Variants in IFITM10 observed in about 807,000 individuals in gnomAD.
IFITM10 encodes interferon induced transmembrane protein 10, also known as interferon-induced transmembrane protein 10.
A neutral mutation model predicts 19.0 loss-of-function variants in IFITM10; 17 were observed. That is an observed-to-expected ratio of 0.90 (90% CI 0.61 to 1.34). The LOEUF (loss-of-function observed/expected upper bound fraction) is 1.34. IFITM10 is among the 40% of genes most tolerant of loss of function. IFITM10 has a pLI of 0.00. For missense variants in IFITM10, 306 were observed against 319.8 expected (o/e 0.96, Z 0.33); for synonymous variants, 148 against 147.2 (o/e 1.01, Z -0.04).
At chr11:1,739,983 A>T (rs1221599576) in intron 2 of IFITM10, among the ~76,000 whole-genome samples, 4 of 152,136 alleles carry the variant, frequency 2.6e-5, no homozygotes, top group African/African-American at 4.8e-5. Flanking sequence ...TATGTGAACG[A>T]GGCAGTGCTG....
rs571354166 is a variant in IFITM10 at position 1,743,540 on chromosome 11, TGGAG to T, written c.537+4123_537+4126del. On this transcript the variant is annotated intron_variant, in intron 2 of 2. Transcript: ENST00000340134. ...GGAAGATGGATGAATGATAGATGGATGGAGGATGGGAAAGATAAATGTGTGATGC... is the reference window on the plus strand; with the variant it reads ...GGAAGATGGATGAATGATAGATGGATGATGGGAAAGATAAATGTGTGATGC... Among the ~76,000 whole-genome samples the T allele has an allele frequency of 4.3e-3, 650 of 152,230 alleles. 13 individuals are homozygous for T. Among genetic ancestry groups the T allele is most frequent in the Non-Finnish European group, 9.7e-4 (66 of 68,018 alleles).
At chr11:1,749,361 C>T (rs890553211) in intron 1 of IFITM10, among the ~76,000 whole-genome samples, 1 of 151,952 alleles carries the variant, frequency 6.6e-6, no homozygotes, top group Admixed American at 6.5e-5. Flanking sequence ...ACCCCTACAG[C>T]CCCCGACCAG....
Position 1,748,138 on chromosome 11 carries a change from G to C in IFITM10, c.85-19C>G. The C allele has an allele frequency of 7.5e-7, 1 of 1,341,902 alleles. No individual in the cohort carries two copies. Among genetic ancestry groups the C allele is most frequent in the Non-Finnish European group, 9.5e-7 (1 of 1,052,870 alleles). The allele number at this position is 1,341,902 out of a possible 1,614,324, so 83.1% of individuals were successfully genotyped here. A position where few individuals can be genotyped will look rare whatever the true frequency, so the allele number is the denominator to read the frequency against. Reference sequence around the variant, plus strand: ...CCTGGGCCTGGAGAGGAGAAAGTGAGAGCAAGCTGGGCCCGGCCTACCGGC... The same window carrying C: ...CCTGGGCCTGGAGAGGAGAAAGTGACAGCAAGCTGGGCCCGGCCTACCGGC... On this transcript the variant is annotated intron_variant, in intron 1 of 2. Transcript: ENST00000340134.
intron 2 of IFITM10, chr11:1,745,923 C>T (rs949730318): frequency 7.4e-5 from 11 of 149,118 alleles, no homozygotes; most frequent in African/African-American, 2.7e-4. Flanking sequence ...CACAGGCACA[C>T]CCCACACACA....
At chr11:1,746,279 C>T (rs1332835138) in intron 2 of IFITM10, 2 of 307,218 alleles carry the variant, frequency 6.5e-6, no homozygotes, top group Non-Finnish European at 1.2e-5. Flanking sequence ...TACACACATG[C>T]ACACATATGC....
chr11:1,747,577 G>T, intron 2 of IFITM10, 90 bp downstream of exon 2: 1 of 1,167,562 alleles, frequency 8.6e-7, no homozygotes, highest in Non-Finnish European at 1.2e-6. Flanking sequence ...CCCCTGAGAG[G>T]GAGAGGGGCC....
chr11:1,747,674 G>C lies in IFITM10; in HGVS notation c.530C>G (p.Ser177Cys), dbSNP rs1845666542. 6.4e-7 allele frequency: 1 copy of C among 1,551,708 alleles called. No individual in the cohort carries two copies. Among genetic ancestry groups the C allele is most frequent in the Non-Finnish European group, 8.7e-7 (1 of 1,146,942 alleles). The change falls in exon 2 of 3, where the codon TCC (serine) becomes TGC (cysteine). Residue 177 changes from serine (S) to cysteine (C), a missense_variant. Physicochemically the swap from Ser to Cys is moderately radical, Grantham distance 112. Coordinates refer to ENST00000340134, the MANE Select transcript of IFITM10 (RefSeq NM_001170820.4). ...GCCACCGCCCGGGCTCACTTTGAGGGAGTAGGCCAAGGCGATGAAGCCCAG... is the reference window on the plus strand; with the variant it reads ...GCCACCGCCCGGGCTCACTTTGAGGCAGTAGGCCAAGGCGATGAAGCCCAG... ...CCLGFIALAY[S>C]LKVRDKKLLN...
In IFITM10 at chr11:1,742,990, T is replaced by TATGG. The variant is rs56066215; in HGVS notation, c.537+4673_537+4676dup. 7.6e-5 allele frequency among the ~76,000 whole-genome samples: 10 copies of TATGG among 131,298 alleles called. 1 individual carries two copies. Among genetic ancestry groups the TATGG allele is most frequent in the Non-Finnish European group, 6.6e-5 (4 of 61,004 alleles). The allele number at this position is 131,298 out of a possible 152,430, so 86.1% of individuals were successfully genotyped here. A position where few individuals can be genotyped will look rare whatever the true frequency, so the allele number is the denominator to read the frequency against. On this transcript the variant is annotated intron_variant, in intron 2 of 2. Coordinates refer to ENST00000340134, the MANE Select transcript of IFITM10 (RefSeq NM_001170820.4). ...TGGAGGATGGATGGATGGATGGACA[T>TATGG]ATGGATGGATGAAAGATAAATGGAT...
chr11:1,743,620 G>A (rs561157689), intron 2 of IFITM10, among the ~76,000 whole-genome samples: 1 of 152,176 alleles, frequency 6.6e-6, no homozygotes, highest in South Asian at 2.1e-4. Flanking sequence ...AAAACCCAAC[G>A]CAGAACCCAC....
intron 2 of IFITM10, among the ~76,000 whole-genome samples, chr11:1,736,175 T>A (rs1851084918): frequency 6.6e-6 from 1 of 151,950 alleles, no homozygotes; most frequent in Admixed American, 6.6e-5. Context: ...GGAAGGAGAA[T>A]GGAAAGAGAG....
intron 2 of IFITM10, among the ~76,000 whole-genome samples, chr11:1,735,655 C>G (rs1345971683): frequency 1.3e-5 from 2 of 152,164 alleles, no homozygotes; most frequent in African/African-American, 2.4e-5. Context: ...AACCTCTCAG[C>G]CCTCAACTGG....
chr11:1,743,682 T>A (rs1402167839), intron 2 of IFITM10, among the ~76,000 whole-genome samples: 1 of 152,110 alleles, frequency 6.6e-6, no homozygotes, highest in African/African-American at 2.4e-5. Flanking sequence ...TCTCACAGCC[T>A]CCTGGGCTCA....
chr11:1,745,573 G>A (rs912109109), intron 2 of IFITM10: 3 of 152,174 alleles, frequency 2.0e-5, no homozygotes, highest in Non-Finnish European at 2.9e-5. Flanking sequence ...GCACACTCAC[G>A]TATGATTACA....
Position 1,739,367 on chromosome 11 carries a change from A to G in IFITM10, c.538-3938T>C, listed in dbSNP as rs1229465024. On this transcript the variant is annotated intron_variant, in intron 2 of 2. Coordinates refer to ENST00000340134, the MANE Select transcript of IFITM10 (RefSeq NM_001170820.4). ...TTGTTGGTGTAGTGTAGACCACTGGATGGTAGATGGGTAGACAGATTCCTT... is the reference window on the plus strand; with the variant it reads ...TTGTTGGTGTAGTGTAGACCACTGGGTGGTAGATGGGTAGACAGATTCCTT... Among the ~76,000 whole-genome samples the G allele has an allele frequency of 2.0e-5, 3 of 152,260 alleles. No individual in the cohort carries two copies. The East Asian group carries it at 5.8e-4, about 29-fold the overall frequency.
At chr11:1,738,635 ATG>A (rs1479397829) in intron 2 of IFITM10, among the ~76,000 whole-genome samples, 4 of 152,152 alleles carry the variant, frequency 2.6e-5, no homozygotes, top group Non-Finnish European at 4.4e-5. Context: ...ATACACGAGA[ATG>A]TGTGCTCATG....
At position 1,749,110 on chromosome 11, in the gene IFITM10, C is replaced by T. The variant is rs1479959796; in HGVS notation, c.85-991G>A. ...GGGCCGCTGTCTGTCCACTGATCCG[C>T]CTCCCAGCGGCCCAACCTTGAGGGG... On this transcript the variant is annotated intron_variant, in intron 1 of 2. Coordinates refer to ENST00000340134, the MANE Select transcript of IFITM10 (RefSeq NM_001170820.4). 3 of 1,099,046 alleles carry T rather than the reference C, an allele frequency of 2.7e-6. No homozygotes were observed. The African/African-American group carries it at 5.1e-5, about 19-fold the overall frequency. 68.1% of individuals were successfully genotyped at this position (1,099,046 alleles called of 1,614,324 possible).
chr11:1,743,114 T>C (rs1845590711), intron 2 of IFITM10, among the ~76,000 whole-genome samples: 1 of 134,520 alleles, frequency 7.4e-6, no homozygotes, highest in Non-Finnish European at 1.6e-5. Context: ...GATAGATGGA[T>C]GGAGGATGAA....
Position 1,747,221 on chromosome 11 carries a change from G to A in IFITM10, c.537+446C>T, listed in dbSNP as rs1590899389. On this transcript the variant is annotated intron_variant, in intron 2 of 2. Transcript: ENST00000340134. Reference sequence around the variant, plus strand: ...CTCCGGGTGAGGAGCTGGATAAGAAGGTGGCCCCTCTTCCTTTCCATAGGG... The same window carrying A: ...CTCCGGGTGAGGAGCTGGATAAGAAAGTGGCCCCTCTTCCTTTCCATAGGG... Among the ~76,000 whole-genome samples the A allele has an allele frequency of 4.6e-5, 7 of 152,236 alleles. 1 individual carries two copies. The highest frequency in any genetic ancestry group is 4.6e-4 in the Admixed American group (7 of 15,296).
chr11:1,741,168 C>T (rs1299370034), intron 2 of IFITM10, among the ~76,000 whole-genome samples: 1 of 151,904 alleles, frequency 6.6e-6, no homozygotes, highest in Non-Finnish European at 1.5e-5. Context: ...AATACTAAAA[C>T]CATGGGACTG....
Sources: gnomAD v4.1 joint callset for allele counts (sites outside exome capture counted in the v4.1 genomes callset) on GRCh38, gnomAD v4.1.1 for gene constraint, MANE v1.5 for transcripts, NCBI Gene and HGNC (gene_info 2026-07-23, HGNC 2026-07-21) for gene names.